Variants in DDX60 observed in about 807,000 individuals in gnomAD.
The protein encoded by DDX60 is probable ATP-dependent RNA helicase DDX60.
In DDX60, 165 loss-of-function variants were observed where a neutral mutation model predicts 212.8. The ratio of observed to expected loss-of-function variants is 0.78; its 90% CI spans 0.68 to 0.88. The LOEUF is 0.88. Ranked by LOEUF, DDX60 falls within the 40% of genes least tolerant of loss-of-function variation. The pLI is 0.00. For missense variants in DDX60, 1,905 were observed against 2,003.9 expected (o/e 0.95, Z 0.94); for synonymous variants, 703 against 685.3 (o/e 1.03, Z -0.40).
At position 168,217,140 on chromosome 4, in the gene DDX60, T is replaced by C. The variant is rs17611096; in HGVS notation, c.5040-108A>G. 108,346 of 654,674 alleles carry C rather than the reference T, an allele frequency of 0.17. 9,750 individuals carry two copies. The highest frequency in any genetic ancestry group is 0.2 in the Non-Finnish European group (74,840 of 382,526). 40.6% of individuals were successfully genotyped at this position (654,674 alleles called of 1,614,324 possible). On this transcript the variant is annotated intron_variant, in intron 37 of 37. Coordinates refer to ENST00000393743, the MANE Select transcript of DDX60 (RefSeq NM_017631.6). ...AAGGAAATCCCATCAGATGATGAAA[T>C]TATGTTAGCAAAATATGAGGAATAA... is the stretch of plus-strand genomic sequence containing the variant.
chr4:168,232,308 T>G (rs774567340), intron 33 of DDX60, among the ~76,000 whole-genome samples: 13 of 151,892 alleles, frequency 8.6e-5, no homozygotes, highest in Non-Finnish European at 1.6e-4. Flanking sequence ...AATCTACAAA[T>G]TCAATTCCCA....
intron 33 of DDX60, among the ~76,000 whole-genome samples, chr4:168,227,151 A>G (rs1214632164): frequency 1.3e-5 from 2 of 151,908 alleles, no homozygotes; most frequent in African/African-American, 4.8e-5. Flanking sequence ...TTATCCTTAC[A>G]AAGTTTGGAA....
intron 8 of DDX60, among the ~76,000 whole-genome samples, chr4:168,288,592 T>C (rs931456180): frequency 6.6e-6 from 1 of 152,236 alleles, no homozygotes; most frequent in Admixed American, 6.5e-5. Flanking sequence ...TTTCTCACAC[T>C]GTTACCCACA....
chr4:168,224,439 A>G (rs1733178061), intron 34 of DDX60, 54 bp from the exon 35 acceptor site: 2 of 1,553,148 alleles, frequency 1.3e-6, no homozygotes, highest in East Asian at 2.3e-5. Context: ...CAAATTGTCA[A>G]ACCTCAGATA....
rs530455706 is a variant in DDX60 at position 168,255,952 on chromosome 4, C to T, written c.3399-83G>A. The stretch of plus-strand genomic sequence containing the variant: ...ATATTTCCATCTACTACTATCATCC[C>T]GACATCTGCCTGTTGGGTTTTTAAT... On this transcript the variant is annotated intron_variant, in intron 25 of 37. Coordinates refer to ENST00000393743, the MANE Select transcript of DDX60 (RefSeq NM_017631.6). 3.1e-5 allele frequency: 43 copies of T among 1,384,740 alleles called. No homozygotes were observed. The South Asian group carries it at 3.2e-4, about 10-fold the overall frequency. 85.8% of individuals were successfully genotyped at this position (1,384,740 alleles called of 1,614,324 possible).
intron 37 of DDX60, among the ~76,000 whole-genome samples, chr4:168,218,395 ATTT>A (rs897764739): frequency 6.6e-6 from 1 of 152,012 alleles, no homozygotes; most frequent in Non-Finnish European, 1.5e-5. Flanking sequence ...AACTGCATAA[ATTT>A]TTTTACCAAT....
At chr4:168,285,306 T>C (rs1262248078) in intron 11 of DDX60, 87 bp downstream of exon 11, 1 of 806,612 alleles carries the variant, frequency 1.2e-6, no homozygotes, top group Non-Finnish European at 2.0e-6. Context: ...TAATGTACTC[T>C]AATCGTCTGC....
intron 22 of DDX60, among the ~76,000 whole-genome samples, chr4:168,264,196 T>A (rs1734742001): frequency 6.6e-6 from 1 of 152,118 alleles, no homozygotes; most frequent in African/African-American, 2.4e-5. Flanking sequence ...TCATCCATAA[T>A]ATAGGAATGA....
upstream of DDX60, among the ~76,000 whole-genome samples, chr4:168,322,396 G>A (rs605593): frequency 0.69 from 105,112 of 151,980 alleles, 36,935 homozygotes; most frequent in East Asian, 0.85. Context: ...AGAATCTTGA[G>A]TCTCTTGACT....
chr4:168,231,705 G>A (rs1024879922), intron 33 of DDX60, among the ~76,000 whole-genome samples: 1 of 151,858 alleles, frequency 6.6e-6, no homozygotes, highest in Non-Finnish European at 1.5e-5. Context: ...GCATAGAAAG[G>A]ACATAGCTTA....
At chr4:168,260,663 A>G (rs1261942694) in intron 25 of DDX60, among the ~76,000 whole-genome samples, 1 of 152,122 alleles carries the variant, frequency 6.6e-6, no homozygotes, top group African/African-American at 2.4e-5. Context: ...TGCAGTTCAC[A>G]ATAGGGTTGA....
intron 28 of DDX60, among the ~76,000 whole-genome samples, chr4:168,250,197 G>T (rs1734166197): frequency 6.6e-6 from 1 of 152,102 alleles, no homozygotes; most frequent in Non-Finnish European, 1.5e-5. Flanking sequence ...TTTCATGGTA[G>T]AAAAATTTGC....
chr4:168,262,419 A>C (rs1022028078), intron 23 of DDX60, among the ~76,000 whole-genome samples: 3 of 152,138 alleles, frequency 2.0e-5, no homozygotes, highest in African/African-American at 7.2e-5. Context: ...GAAGACTGAA[A>C]TATAATAGTG....
Position 168,267,830 on chromosome 4 carries a change from A to G in DDX60, c.2929+11T>C, listed in dbSNP as rs1734914328. ...TAAAAGGCAAGCTTTATATAAATAT[A>G]TCAAACATACCAAGTCTAACTTTAT... On this transcript the variant is annotated intron_variant, in intron 21 of 37. Coordinates refer to ENST00000393743, the MANE Select transcript of DDX60 (RefSeq NM_017631.6). 1.9e-6 allele frequency: 3 copies of G among 1,598,556 alleles called. No individual in the cohort carries two copies. Among genetic ancestry groups the G allele is most frequent in the Non-Finnish European group, 2.6e-6 (3 of 1,174,324 alleles).
rs1239934438 is a variant in DDX60, at chr4:168,273,956, A to G, written c.2432T>C (p.Val811Ala). The change falls in exon 17 of 38, where the codon GTC (valine) becomes GCC (alanine). Residue 811 changes from valine to alanine, a missense_variant. Physicochemically the swap from Val to Ala is moderately conservative, Grantham distance 64. Coordinates refer to ENST00000393743, the MANE Select transcript of DDX60 (RefSeq NM_017631.6). ...KVLKESDDGV[V>A]VYVAPTKALV... ...TACCTTTGTGGGTGCAACGTACACGACCACCCCGTCGTCGCTCTCCTTCAG... is the reference window on the plus strand; with the variant it reads ...TACCTTTGTGGGTGCAACGTACACGGCCACCCCGTCGTCGCTCTCCTTCAG... 2.5e-6 allele frequency: 4 copies of G among 1,614,130 alleles called. No homozygotes were observed. Among genetic ancestry groups the G allele is most frequent in the Non-Finnish European group, 3.4e-6 (4 of 1,179,996 alleles).
intron 25 of DDX60, among the ~76,000 whole-genome samples, chr4:168,257,507 C>T (rs1030050192): frequency 6.6e-6 from 1 of 152,186 alleles, no homozygotes; most frequent in Non-Finnish European, 1.5e-5. Context: ...GGCCTGCAGG[C>T]CCCTGTTCTC....
At chr4:168,235,988 T>A in intron 33 of DDX60, 3 of 350,670 alleles carry the variant, frequency 8.6e-6, no homozygotes, top group South Asian at 7.4e-5. Context: ...TCACCTGATA[T>A]TATAATTTGA....
At chr4:168,273,876 T>C (rs1034592783) in intron 17 of DDX60, 58 bp downstream of exon 17, 155 of 1,547,196 alleles carry the variant, frequency 1.0e-4, no homozygotes, top group Non-Finnish European at 1.3e-4. Context: ...CCATGTTCAT[T>C]ATTTTTAAAT....
At chr4:168,256,081 T>G (rs1392452021) in intron 25 of DDX60, among the ~76,000 whole-genome samples, 1 of 145,706 alleles carries the variant, frequency 6.9e-6, no homozygotes, top group African/African-American at 2.5e-5. Flanking sequence ...TACCCTCCCC[T>G]TCTCCCTCCC....
Sources: gnomAD v4.1 joint callset for allele counts (sites outside exome capture counted in the v4.1 genomes callset) on GRCh38, gnomAD v4.1.1 for gene constraint, MANE v1.5 for transcripts, NCBI Gene and HGNC (gene_info 2026-07-23, HGNC 2026-07-21) for gene names.